Variants in SYNPR observed in about 807,000 individuals in gnomAD.
The protein encoded by SYNPR is synaptoporin.
A neutral mutation model predicts 32.9 loss-of-function variants in SYNPR; 23 were observed. The observed-to-expected ratio is 0.70, with a 90% CI of 0.50 to 0.99. The LOEUF (loss-of-function observed/expected upper bound fraction) is 0.99, where lower values mean the gene tolerates loss of function less well. SYNPR is among the 50% of genes least tolerant of loss of function. The pLI, the probability that SYNPR is intolerant of heterozygous loss-of-function variation, is 0.00. For missense variants in SYNPR, 318 were observed against 349.3 expected, an observed-to-expected ratio of 0.91 and a Z score of 0.71; for synonymous variants, 146 against 135.9, an observed-to-expected ratio of 1.07 and a Z score of -0.52.
intron 1 of SYNPR, among the ~76,000 whole-genome samples, chr3:63,248,305 G>T (rs891135883): frequency 6.6e-6 from 1 of 152,036 alleles, no homozygotes; most frequent in Non-Finnish European, 1.5e-5. Flanking sequence ...TAAATACCTC[G>T]CAGTATTGCC....
intron 2 of SYNPR, among the ~76,000 whole-genome samples, chr3:63,465,768 C>T (rs1700666949): frequency 1.3e-5 from 2 of 151,862 alleles, no homozygotes; most frequent in Admixed American, 1.3e-4. Context: ...CAAAAATTGG[C>T]AATAATTCAA....
At chr3:63,497,033 G>GC (rs1236377365) in intron 3 of SYNPR, among the ~76,000 whole-genome samples, 1 of 152,060 alleles carries the variant, frequency 6.6e-6, no homozygotes, top group African/African-American at 2.4e-5. Flanking sequence ...ATCACCCACT[G>GC]CAAGTCCTCG....
chr3:63,497,250 C>T (rs1366836310), intron 3 of SYNPR, among the ~76,000 whole-genome samples: 1 of 152,124 alleles, frequency 6.6e-6, no homozygotes, highest in Non-Finnish European at 1.5e-5. Flanking sequence ...TAATTTACAT[C>T]ATGGTGCTCA....
intron 2 of SYNPR, among the ~76,000 whole-genome samples, chr3:63,345,796 C>T (rs192065567): frequency 2.0e-5 from 3 of 150,392 alleles, no homozygotes; most frequent in African/African-American, 4.8e-5. Context: ...ATGTTGCTTT[C>T]GTCTAACATT....
chr3:63,549,697 A>T (rs141145812), intron 3 of SYNPR, among the ~76,000 whole-genome samples: 1 of 152,232 alleles, frequency 6.6e-6, no homozygotes, highest in African/African-American at 2.4e-5. Context: ...CCCTGAAAGG[A>T]TAGTTGCATT....
At chr3:63,429,406 T>A (rs1167313222) in intron 2 of SYNPR, among the ~76,000 whole-genome samples, 1 of 152,204 alleles carries the variant, frequency 6.6e-6, no homozygotes, top group African/African-American at 2.4e-5. Context: ...AGATACCCAA[T>A]TATTCTTAGC....
intron 2 of SYNPR, among the ~76,000 whole-genome samples, chr3:63,412,879 T>C (rs2088485725): frequency 6.6e-6 from 1 of 152,156 alleles, no homozygotes; most frequent in Admixed American, 6.6e-5. Context: ...ATTTGTGTTT[T>C]AGGTAGATAA....
intron 2 of SYNPR, among the ~76,000 whole-genome samples, chr3:63,319,351 G>A (rs749723986): frequency 1.3e-5 from 2 of 152,048 alleles, no homozygotes; most frequent in East Asian, 1.9e-4. Flanking sequence ...TTGAAGTCAG[G>A]TAATGTGATG....
intron 2 of SYNPR, among the ~76,000 whole-genome samples, chr3:63,320,728 A>G (rs1458343537): frequency 2.0e-5 from 3 of 152,062 alleles, no homozygotes; most frequent in Admixed American, 2.0e-4. Flanking sequence ...TACATTTCAG[A>G]AACTGTGATT....
At chr3:63,505,532 G>A (rs1575680690) in intron 3 of SYNPR, among the ~76,000 whole-genome samples, 1 of 152,134 alleles carries the variant, frequency 6.6e-6, no homozygotes, top group Admixed American at 6.6e-5. Context: ...GTGGAGGGTA[G>A]GGAACAGAGT....
intron 4 of SYNPR, among the ~76,000 whole-genome samples, chr3:63,596,287 C>T (rs1268085123): frequency 7.2e-6 from 1 of 139,050 alleles, no homozygotes; most frequent in East Asian, 2.3e-4. Flanking sequence ...TTCTTTACTT[C>T]CTTCCCCCTC....
intron 4 of SYNPR, among the ~76,000 whole-genome samples, chr3:63,606,101 A>G (rs545538217): frequency 1.3e-5 from 2 of 152,210 alleles, no homozygotes; most frequent in South Asian, 4.1e-4. Context: ...TTCAACTTAC[A>G]GAGAGGTAAA....
At chr3:63,260,158 T>G (rs1291706286) in intron 2 of SYNPR, among the ~76,000 whole-genome samples, 1 of 152,218 alleles carries the variant, frequency 6.6e-6, no homozygotes, top group Non-Finnish European at 1.5e-5. Flanking sequence ...AGGTAATTTA[T>G]AGATTCAATG....
chr3:63,481,800 G>A (rs990987523), intron 3 of SYNPR, among the ~76,000 whole-genome samples: 2 of 152,174 alleles, frequency 1.3e-5, no homozygotes, highest in East Asian at 1.9e-4. Context: ...CCAAGCCAAC[G>A]CATGCTTTCA....
chr3:63,368,199 T>C (rs1246825992), intron 2 of SYNPR, among the ~76,000 whole-genome samples: 5 of 152,210 alleles, frequency 3.3e-5, no homozygotes, highest in Admixed American at 2.6e-4. Flanking sequence ...AGCTGAGAAC[T>C]ATGCACGTTT....
At chr3:63,452,155 C>T (rs973100486) in intron 2 of SYNPR, 35 of 700,582 alleles carry the variant, frequency 5.0e-5, no homozygotes, top group African/African-American at 3.0e-4. Context: ...TTCATTTGTT[C>T]GTATGTTCAT....
intron 3 of SYNPR, among the ~76,000 whole-genome samples, chr3:63,518,452 C>T (rs1040098402): frequency 3.9e-5 from 6 of 152,070 alleles, no homozygotes; most frequent in Non-Finnish European, 8.8e-5. Flanking sequence ...AGAGAAGGTA[C>T]TATGGAAATA....
chr3:63,278,875 C>A, intron 2 of SYNPR, 133 bp downstream of exon 2: 1 of 1,050,724 alleles, frequency 9.5e-7, no homozygotes, highest in Non-Finnish European at 1.4e-6. Flanking sequence ...GATTTCAATC[C>A]TGCCCCCTCC....
intron 4 of SYNPR, among the ~76,000 whole-genome samples, chr3:63,604,371 C>A (rs781704156): frequency 2.0e-5 from 3 of 152,104 alleles, no homozygotes; most frequent in Non-Finnish European, 4.4e-5. Context: ...TGGATTATTT[C>A]TTATCTTCTG....
Sources: allele counts gnomAD v4.1 joint callset (sites outside exome capture counted in the v4.1 genomes callset), GRCh38; gene constraint gnomAD v4.1.1; transcripts MANE v1.5; gene names NCBI Gene and HGNC (gene_info 2026-07-23, HGNC 2026-07-21).